Variants in PLEKHA4 observed in about 807,000 individuals in gnomAD.
The protein encoded by PLEKHA4 is pleckstrin homology domain containing A4.
Under a neutral mutation model 94.7 loss-of-function variants are expected in PLEKHA4, and 73 were observed. The observed-to-expected ratio is 0.77, with a 90% CI of 0.64 to 0.94. The LOEUF is 0.94. Among genes scored for constraint, PLEKHA4 ranks in the 40% least tolerant of loss-of-function variants. The pLI, the probability that PLEKHA4 is intolerant of heterozygous loss-of-function variation, is 0.00. For synonymous variants in PLEKHA4, 449 were observed against 437.1 expected (o/e 1.03, Z -0.34); for missense variants, 1,049 against 1,054.1 (o/e 1.00, Z 0.07).
intron 16 of PLEKHA4, among the ~76,000 whole-genome samples, chr19:48,843,415 G>C (rs1224237002): frequency 6.6e-6 from 1 of 152,070 alleles, no homozygotes; most frequent in Non-Finnish European, 1.5e-5. Context: ...TCCTGACCTT[G>C]TGATCCGCCT....
Position 48,859,053 on chromosome 19 carries a change from G to A in PLEKHA4, c.779C>T (p.Ser260Leu), listed in dbSNP as rs2036535916. 2 of 1,504,670 alleles carry A rather than the reference G, an allele frequency of 1.3e-6. No homozygotes were observed. Among genetic ancestry groups the A allele is most frequent in the Admixed American group, 4.8e-5 (2 of 41,880 alleles). The allele number at this position is 1,504,670 out of a possible 1,614,324, so 93.2% of individuals were successfully genotyped here. The change falls in exon 8 of 20, where the codon TCA becomes TTA. Residue 260 changes from serine (S) to leucine (L), a missense_variant. Physicochemically the swap from Ser to Leu is moderately radical, Grantham distance 145. Transcript: ENST00000263265. Reference protein sequence around the residue: ...SAPARRPPAPSGDTAPPARPH... With the variant: ...SAPARRPPAPLGDTAPPARPH... ...TCGGGCAGGGGGTGCTGTGTCTCCT[G>A]AGGGGGCAGGGGGTCGCCGCGCAGG... is the stretch of plus-strand genomic sequence containing the variant.
At chr19:48,857,345 C>CA in intron 9 of PLEKHA4, 77 bp downstream of exon 9, 1 of 672,354 alleles carries the variant, frequency 1.5e-6, no homozygotes, top group Non-Finnish European at 2.6e-6. Flanking sequence ...CACCCTAGGC[C>CA]AAGAGATGAC....
intron 5 of PLEKHA4, 61 bp downstream of exon 5, chr19:48,861,340 T>C (rs982480184): frequency 2.1e-6 from 3 of 1,414,744 alleles, no homozygotes; most frequent in East Asian, 2.3e-5. Context: ...TCGACAGATA[T>C]CTACCCGCCC....
chr19:48,859,392 C>T (rs2036550259), intron 7 of PLEKHA4, 77 bp downstream of exon 7: 1 of 1,508,478 alleles, frequency 6.6e-7, no homozygotes, highest in Non-Finnish European at 9.0e-7. Context: ...GCAGAAAGCG[C>T]TAAGGCCCGC....
intron 18 of PLEKHA4, chr19:48,838,344 G>A (rs2035622063): frequency 2.8e-6 from 1 of 361,764 alleles, no homozygotes; most frequent in Admixed American, 4.2e-5. Flanking sequence ...CTTGAAAGGG[G>A]ATGGATACCC....
At position 48,859,128 on chromosome 19, in the gene PLEKHA4, G is replaced by A; in HGVS notation, c.704C>T (p.Pro235Leu). Residue 235 changes from proline (P) to leucine (L), a missense_variant, in exon 8 of 20, where the codon CCC becomes CTC. Physicochemically the swap from Pro to Leu is moderately conservative, Grantham distance 98 (BLOSUM62 -3). Transcript: ENST00000263265. Reference sequence around the variant, plus strand: ...CAGAGGCGAGGGAGGGCGAGAGAGGGGGGTGAACAGGCTGTGGGAAGGAGA... The same window carrying A: ...CAGAGGCGAGGGAGGGCGAGAGAGGAGGGTGAACAGGCTGTGGGAAGGAGA... ...RRARSPDLFT[P>L]LSRPPSPLSL... 1.3e-6 allele frequency: 2 copies of A among 1,520,312 alleles called. No individual in the cohort carries two copies. Among genetic ancestry groups the A allele is most frequent in the Non-Finnish European group, 8.8e-7 (1 of 1,139,226 alleles). 94.2% of individuals were successfully genotyped at this position (1,520,312 alleles called of 1,614,324 possible).
At chr19:48,840,370 G>A (rs970942086) in intron 17 of PLEKHA4, among the ~76,000 whole-genome samples, 2 of 149,554 alleles carry the variant, frequency 1.3e-5, no homozygotes, top group African/African-American at 2.5e-5. Flanking sequence ...AGTGGAGATC[G>A]CACCACTGCA....
Position 48,855,183 on chromosome 19 carries a change from G to A in PLEKHA4, c.1048-919C>T, listed in dbSNP as rs75258382. Reference sequence around the variant, plus strand: ...TGACTAAGAATAAAACAAAGTGCAGGGCACAGTGACTCACTCCTGTAATCC... The same window carrying A: ...TGACTAAGAATAAAACAAAGTGCAGAGCACAGTGACTCACTCCTGTAATCC... On this transcript the variant is annotated intron_variant, in intron 9 of 19. Coordinates refer to ENST00000263265, the MANE Select transcript of PLEKHA4 (RefSeq NM_020904.3). Among the ~76,000 whole-genome samples the A allele has an allele frequency of 6.5e-3, 990 of 152,138 alleles. 18 individuals carry two copies. The highest frequency in any genetic ancestry group is 0.06 in the East Asian group (311 of 5,182).
Position 48,854,060 on chromosome 19 carries a change from C to A in PLEKHA4, c.1123G>T (p.Asp375Tyr), listed in dbSNP as rs746003163. 2 of 1,614,192 alleles carry A rather than the reference C, an allele frequency of 1.2e-6. No homozygotes were observed. Among genetic ancestry groups the A allele is most frequent in the South Asian group, 2.2e-5 (2 of 91,084 alleles). The change falls in exon 11 of 20, where the codon GAC (aspartate) becomes TAC (tyrosine). Residue 375 changes from aspartate (D) to tyrosine (Y), a missense_variant. Physicochemically the swap from Asp to Tyr is radical, Grantham distance 160. Transcript: ENST00000263265. ...DTLLTKLCGQ[D>Y]RLLRRLQEEI... Reference sequence around the variant, plus strand: ...TCCTGCAGCCTCCGCAGAAGCCGGTCCTGCCCGCACAACTTGGTCAGCAGC... The same window carrying A: ...TCCTGCAGCCTCCGCAGAAGCCGGTACTGCCCGCACAACTTGGTCAGCAGC...
intron 9 of PLEKHA4, among the ~76,000 whole-genome samples, chr19:48,855,609 A>C (rs1211947415): frequency 6.8e-6 from 1 of 146,576 alleles, no homozygotes; most frequent in Non-Finnish European, 1.5e-5. Context: ...GTCTCAAATA[A>C]ATAAATAAAT....
intron 3 of PLEKHA4, among the ~76,000 whole-genome samples, chr19:48,862,865 T>A (rs1387172310): frequency 6.6e-6 from 1 of 152,184 alleles, no homozygotes; most frequent in Non-Finnish European, 1.5e-5. Context: ...GAATCCACCT[T>A]CATGTTTTCT....
Position 48,845,516 on chromosome 19 carries a change from C to T in PLEKHA4, c.1666+1G>A. On this transcript the variant is annotated splice_donor_variant, in intron 15 of 19. Transcript: ENST00000263265. LOFTEE classifies it high-confidence loss of function. ...AAGTCCCACCCAACCAGGATGCTCACCTAAGTGAGGGCTGGCGAGGTCTTT... is the reference window on the plus strand; with the variant it reads ...AAGTCCCACCCAACCAGGATGCTCATCTAAGTGAGGGCTGGCGAGGTCTTT... 2 of 1,612,670 alleles carry T rather than the reference C, an allele frequency of 1.2e-6. No individual in the cohort carries two copies. Among genetic ancestry groups the T allele is most frequent in the Non-Finnish European group, 1.7e-6 (2 of 1,179,094 alleles).
rs772367040 is a variant in PLEKHA4 at position 48,853,994 on chromosome 19, C to G, written c.1176+13G>C. 6.2e-7 allele frequency: 1 copy of G among 1,613,990 alleles called. No individual in the cohort carries two copies. On this transcript the variant is annotated intron_variant, in intron 11 of 19. Transcript: ENST00000263265. The stretch of plus-strand genomic sequence containing the variant: ...GAGGCCAGGCGCCCTGTCCTTGGCC[C>G]AGGGCCCCGCACCTTCTCCTCCTGC...
chr19:48,843,816 C>T (rs1339365457), intron 16 of PLEKHA4, among the ~76,000 whole-genome samples: 6 of 151,886 alleles, frequency 4.0e-5, no homozygotes, highest in Non-Finnish European at 8.8e-5. Context: ...TGCTGCTACA[C>T]CCGGCTAATT....
chr19:48,837,877 C>T lies in PLEKHA4; in HGVS notation c.2077+140G>A. 1.4e-6 allele frequency: 1 copy of T among 732,652 alleles called. No individual in the cohort carries two copies. The highest frequency in any genetic ancestry group is 2.3e-6 in the Non-Finnish European group (1 of 438,736). 45.4% of individuals were successfully genotyped at this position (732,652 alleles called of 1,614,324 possible). A position where few individuals can be genotyped will look rare whatever the true frequency, so the allele number is the denominator to read the frequency against. ...CCTCTTGCCTGAGACCTAAAACTCC[C>T]AAACCCTGCCCAACTCTTTACTCAC... On this transcript the variant is annotated intron_variant, in intron 19 of 19. Coordinates refer to ENST00000263265, the MANE Select transcript of PLEKHA4 (RefSeq NM_020904.3). This position sits in a 1 kb window ranked among gnomAD's most constrained non-coding sequence, Gnocchi z 4.3.
intron 16 of PLEKHA4, among the ~76,000 whole-genome samples, chr19:48,841,712 T>TG (rs1428076643): frequency 6.6e-6 from 1 of 151,848 alleles, no homozygotes; most frequent in East Asian, 1.9e-4. Context: ...CCCAGAGCTT[T>TG]GGGAGGCTGA....
In PLEKHA4 at chr19:48,859,486, C is replaced by T. The variant is rs1367833306; in HGVS notation, c.675G>A (p.Arg225=). The part of the protein sequence containing the change: ...TTDLHSGLQM[R]RARSPDLFTP... Reference sequence around the variant, plus strand: ...CTACTCACTCGGGGCTCCTCGCCCTCCGCATCTGGAGTCCAGAGTGGAGGT... The same window carrying T: ...CTACTCACTCGGGGCTCCTCGCCCTTCGCATCTGGAGTCCAGAGTGGAGGT... Residue 225 remains arginine (R), a synonymous_variant, in exon 7 of 20, where the codon CGG becomes CGA. Coordinates refer to ENST00000263265, the MANE Select transcript of PLEKHA4 (RefSeq NM_020904.3). The T allele has an allele frequency of 6.2e-7, 1 of 1,613,912 alleles. No homozygotes were observed. Among genetic ancestry groups the T allele is most frequent in the Admixed American group, 1.7e-5 (1 of 59,962 alleles).
chr19:48,860,448 C>T lies in PLEKHA4; in HGVS notation c.378G>A (p.Pro126=). The change falls in exon 6 of 20, where the codon CCG becomes CCA. Residue 126 remains proline (P), a synonymous_variant. Coordinates refer to ENST00000263265, the MANE Select transcript of PLEKHA4 (RefSeq NM_020904.3). The stretch of plus-strand genomic sequence containing the variant: ...CGGCCAAAACGTAGGTCCTCATGCC[C>T]GGGTGCTCTGCCTGCGGGAAGAGAA... The part of the protein sequence containing the change: ...GRRFTFTAEH[P]GMRTYVLAAD... 6.2e-7 allele frequency: 1 copy of T among 1,613,920 alleles called. No individual in the cohort carries two copies. Among genetic ancestry groups the T allele is most frequent in the Non-Finnish European group, 8.5e-7 (1 of 1,179,894 alleles).
chr19:48,855,575 G>A (rs2036370501), intron 9 of PLEKHA4, among the ~76,000 whole-genome samples: 1 of 151,840 alleles, frequency 6.6e-6, no homozygotes, highest in South Asian at 2.1e-4. Flanking sequence ...TTGCACTCCA[G>A]CCCGGGTGAC....
Sources: gnomAD v4.1 joint callset for allele counts (sites outside exome capture counted in the v4.1 genomes callset) on GRCh38, gnomAD v4.1.1 for gene constraint, Gnocchi (gnomAD v3.1) non-coding constraint, MANE v1.5 for transcripts, NCBI Gene and HGNC (gene_info 2026-07-23, HGNC 2026-07-21) for gene names.